Variants in KCTD8 observed in about 807,000 individuals in gnomAD.
KCTD8 encodes potassium channel tetramerization domain containing 8, also known as BTB/POZ domain-containing protein KCTD8.
In KCTD8, 27 loss-of-function variants were observed where a neutral mutation model predicts 31.5. The ratio of observed to expected loss-of-function variants is 0.86; its 90% CI spans 0.63 to 1.18. KCTD8 has a LOEUF of 1.18. Among genes scored for constraint, KCTD8 ranks in the 50% most tolerant of loss-of-function variants. The pLI, the probability that KCTD8 is intolerant of heterozygous loss-of-function variation, is 0.00. For missense variants in KCTD8, 658 were observed against 647.7 expected (o/e 1.02, Z -0.17); for synonymous variants, 290 against 280.0 (o/e 1.04, Z -0.36).
At chr4:44,257,918 G>A (rs565357602) in intron 1 of KCTD8, among the ~76,000 whole-genome samples, 1 of 152,094 alleles carries the variant, frequency 6.6e-6, no homozygotes, top group South Asian at 2.1e-4. Context: ...TAGACAGGCT[G>A]ATGATATTCA....
chr4:44,183,570 T>C (rs1193867964), intron 1 of KCTD8, among the ~76,000 whole-genome samples: 2 of 152,186 alleles, frequency 1.3e-5, no homozygotes, highest in African/African-American at 2.4e-5. Context: ...AGATAGCTTT[T>C]CCCAGTCATT....
intron 1 of KCTD8, among the ~76,000 whole-genome samples, chr4:44,370,505 T>A (rs978699640): frequency 1.3e-5 from 2 of 152,174 alleles, no homozygotes; most frequent in South Asian, 2.1e-4. Context: ...CAACAATGCC[T>A]CAAGGATCAC....
chr4:44,280,272 C>T (rs184292119), intron 1 of KCTD8, among the ~76,000 whole-genome samples: 1 of 151,906 alleles, frequency 6.6e-6, no homozygotes, highest in Non-Finnish European at 1.5e-5. Flanking sequence ...AAATAAAAGC[C>T]CTAGAAGCTT....
intron 1 of KCTD8, among the ~76,000 whole-genome samples, chr4:44,372,497 T>C (rs983164807): frequency 1.3e-5 from 2 of 152,170 alleles, no homozygotes; most frequent in Non-Finnish European, 2.9e-5. Flanking sequence ...GAAGAGCAGG[T>C]CTGTATTTTA....
At chr4:44,317,655 T>C (rs1350834274) in intron 1 of KCTD8, among the ~76,000 whole-genome samples, 1 of 152,208 alleles carries the variant, frequency 6.6e-6, no homozygotes, top group Non-Finnish European at 1.5e-5. Flanking sequence ...AGTGGAGTGC[T>C]AAGCATGTGG....
At chr4:44,232,808 T>C (rs114422150) in intron 1 of KCTD8, among the ~76,000 whole-genome samples, 4,644 of 152,062 alleles carry the variant, frequency 0.031, 244 homozygotes, top group African/African-American at 0.11. Flanking sequence ...ATATTATTTA[T>C]ACTTATTTTA....
intron 1 of KCTD8, among the ~76,000 whole-genome samples, chr4:44,413,297 C>T (rs1721001151): frequency 6.6e-6 from 1 of 152,066 alleles, no homozygotes; most frequent in Non-Finnish European, 1.5e-5. Flanking sequence ...ATATATGTTA[C>T]AATAATATCT....
intron 1 of KCTD8, among the ~76,000 whole-genome samples, chr4:44,397,329 C>A (rs1720531543): frequency 6.6e-6 from 1 of 152,056 alleles, no homozygotes; most frequent in African/African-American, 2.4e-5. Context: ...GAGCCCATTT[C>A]TCTAATACTC....
chr4:44,321,458 GTTTGT>G (rs1718293441), intron 1 of KCTD8, among the ~76,000 whole-genome samples: 4 of 151,982 alleles, frequency 2.6e-5, no homozygotes, highest in Admixed American at 1.3e-4. Flanking sequence ...CCGTGTTTTA[GTTTGT>G]TTTATGTTTT....
chr4:44,437,457 A>G (rs1215974100), intron 1 of KCTD8, among the ~76,000 whole-genome samples: 2 of 152,192 alleles, frequency 1.3e-5, no homozygotes, highest in Non-Finnish European at 2.9e-5. Context: ...ATAAATATAA[A>G]TGAACTGAAG....
At chr4:44,427,173 T>C (rs915025614) in intron 1 of KCTD8, among the ~76,000 whole-genome samples, 5 of 151,404 alleles carry the variant, frequency 3.3e-5, no homozygotes, top group African/African-American at 1.2e-4. Flanking sequence ...TTGGTGATGG[T>C]TATGAACCAA....
intron 1 of KCTD8, among the ~76,000 whole-genome samples, chr4:44,220,621 T>A (rs2109347776): frequency 6.6e-6 from 1 of 152,312 alleles, no homozygotes; most frequent in African/African-American, 2.4e-5. Context: ...TCTTGCCACA[T>A]TACGTTCTTT....
intron 1 of KCTD8, among the ~76,000 whole-genome samples, chr4:44,394,731 A>T (rs1720453942): frequency 6.6e-6 from 1 of 152,128 alleles, no homozygotes; most frequent in South Asian, 2.1e-4. Context: ...ACTCTAAACC[A>T]GACCAAGATC....
chr4:44,329,846 A>T (rs1190155952), intron 1 of KCTD8, among the ~76,000 whole-genome samples: 1 of 151,944 alleles, frequency 6.6e-6, no homozygotes, highest in Non-Finnish European at 1.5e-5. Flanking sequence ...AAATTTAAAT[A>T]TCTATTTTAA....
In KCTD8 at chr4:44,174,599, T is replaced by C. The variant is rs1713142678; in HGVS notation, c.*191A>G. The C allele has an allele frequency of 2.1e-6, 1 of 480,282 alleles. No individual in the cohort carries two copies. The highest frequency in any genetic ancestry group is 5.0e-5 in the South Asian group (1 of 20,160). 29.8% of individuals were successfully genotyped at this position (480,282 alleles called of 1,614,324 possible). A position where few individuals can be genotyped will look rare whatever the true frequency, so the allele number is the denominator to read the frequency against. On this transcript the variant is annotated 3_prime_UTR_variant, in exon 2 of 2. Transcript: ENST00000360029. ...GATTTAACACTTATTGATTTAATAT[T>C]TTTTCCTTTTTAATCATGTTTCTAA...
At chr4:44,285,313 T>C (rs2109381639) in intron 1 of KCTD8, among the ~76,000 whole-genome samples, 1 of 152,304 alleles carries the variant, frequency 6.6e-6, no homozygotes, top group Non-Finnish European at 1.5e-5. Flanking sequence ...TGAGTTCATG[T>C]CCTTTGCAGG....
intron 1 of KCTD8, among the ~76,000 whole-genome samples, chr4:44,260,886 G>C (rs894256434): frequency 6.6e-6 from 1 of 151,868 alleles, no homozygotes; most frequent in African/African-American, 2.4e-5. Context: ...ATATTACTCC[G>C]GTTGCTGTGT....
At chr4:44,427,025 G>A (rs567298609) in intron 1 of KCTD8, among the ~76,000 whole-genome samples, 3 of 151,642 alleles carry the variant, frequency 2.0e-5, no homozygotes, top group Non-Finnish European at 3.0e-5. Context: ...CACTATACTA[G>A]TAGACTAACA....
intron 1 of KCTD8, among the ~76,000 whole-genome samples, chr4:44,360,445 A>G (rs2109429980): frequency 6.6e-6 from 1 of 152,188 alleles, no homozygotes; most frequent in East Asian, 1.9e-4. Flanking sequence ...ACTTAGACAT[A>G]GCCAAAGAAA....
Sources: gnomAD v4.1 joint callset for allele counts (sites outside exome capture counted in the v4.1 genomes callset) on GRCh38, gnomAD v4.1.1 for gene constraint, MANE v1.5 for transcripts, NCBI Gene and HGNC (gene_info 2026-07-23, HGNC 2026-07-21) for gene names.